Variants in ZFYVE9 observed in about 807,000 individuals in gnomAD.
ZFYVE9 encodes the protein zinc finger FYVE-type containing 9, also known as zinc finger FYVE domain-containing protein 9.
ZFYVE9 carries 43 observed loss-of-function variants against 126.7 expected under a neutral mutation model. That is an observed-to-expected ratio of 0.34 (90% CI 0.27 to 0.44). The LOEUF is 0.44. Ranked by LOEUF, ZFYVE9 falls within the 20% of genes least tolerant of loss-of-function variation. ZFYVE9 has a pLI of 1.00. For synonymous variants in ZFYVE9, 521 were observed against 597.4 expected (o/e 0.87, Z 1.87); for missense variants, 1,476 against 1,697.0 (o/e 0.87, Z 2.29).
At chr1:52,259,488 T>C (rs1289282078) in intron 4 of ZFYVE9, among the ~76,000 whole-genome samples, 1 of 151,500 alleles carries the variant, frequency 6.6e-6, no homozygotes, top group Non-Finnish European at 1.5e-5. Flanking sequence ...TTATATAAAG[T>C]AAAAGGAGAG....
intron 13 of ZFYVE9, among the ~76,000 whole-genome samples, chr1:52,317,662 C>A (rs1267090714): frequency 6.6e-6 from 1 of 151,978 alleles, no homozygotes; most frequent in Non-Finnish European, 1.5e-5. Context: ...AAAGCCAGTT[C>A]TTTGAGAAGA....
At chr1:52,160,624 C>T in intron 1 of ZFYVE9, 1 of 684,988 alleles carries the variant, frequency 1.5e-6, no homozygotes, top group Non-Finnish European at 2.7e-6. Context: ...CCGTGTTAGC[C>T]AGGATGGTGT....
intron 7 of ZFYVE9, among the ~76,000 whole-genome samples, 165 bp from the exon 8 acceptor site, chr1:52,274,299 G>GT (rs1334447604): frequency 3.3e-5 from 5 of 151,892 alleles, no homozygotes; most frequent in Non-Finnish European, 7.4e-5. Flanking sequence ...AGCCTGATTT[G>GT]TTTTTTTGTT....
At position 52,317,474 on chromosome 1, in the gene ZFYVE9, T is replaced by C. The variant is rs1273022753; in HGVS notation, c.3438+13549T>C. Among the ~76,000 whole-genome samples the C allele has an allele frequency of 3.1e-5, 3 of 96,546 alleles. No individual in the cohort carries two copies. The South Asian group carries it at 1.3e-3, about 41-fold the overall frequency. 63.3% of individuals were successfully genotyped at this position (96,546 alleles called of 152,430 possible). The stretch of plus-strand genomic sequence containing the variant: ...TCCAGCCTGGGTGACAGAGCAAGAC[T>C]CTGTCTCAGAAAAAAAAAAAAAAGA... On this transcript the variant is annotated intron_variant, in intron 13 of 18. Transcript: ENST00000287727.
chr1:52,320,270 A>T (rs1241221924), intron 13 of ZFYVE9, among the ~76,000 whole-genome samples: 2 of 151,840 alleles, frequency 1.3e-5, no homozygotes, highest in African/African-American at 4.8e-5. Flanking sequence ...GGGTTTCTCC[A>T]TGTTGGCCAG....
intron 13 of ZFYVE9, among the ~76,000 whole-genome samples, chr1:52,325,250 C>T (rs918338578): frequency 6.6e-6 from 1 of 151,986 alleles, no homozygotes; most frequent in Non-Finnish European, 1.5e-5. Flanking sequence ...ATGGTGTGAA[C>T]GTGGGAGGCA....
chr1:52,294,924 T>A (rs1312349882), intron 11 of ZFYVE9, among the ~76,000 whole-genome samples: 1 of 152,258 alleles, frequency 6.6e-6, no homozygotes, highest in Non-Finnish European at 1.5e-5. Context: ...AACTCTTGGC[T>A]GAGTGCGGTG....
At chr1:52,176,266 G>A (rs1275681670) in intron 1 of ZFYVE9, among the ~76,000 whole-genome samples, 1 of 152,206 alleles carries the variant, frequency 6.6e-6, no homozygotes, top group East Asian at 1.9e-4. Context: ...GTCCACTCCA[G>A]ACCCTGTTTG....
At chr1:52,252,231 T>A (rs1468228215) in intron 4 of ZFYVE9, 1 of 154,624 alleles carries the variant, frequency 6.5e-6, no homozygotes, top group East Asian at 1.9e-4. Flanking sequence ...TTCCATTTTG[T>A]CGTTTCGGGT....
intron 2 of ZFYVE9, among the ~76,000 whole-genome samples, chr1:52,222,061 G>T (rs1436537793): frequency 1.3e-5 from 2 of 152,188 alleles, no homozygotes; most frequent in African/African-American, 4.8e-5. Context: ...GGTGTCCTAG[G>T]TATTTCACCT....
At chr1:52,217,209 T>C (rs1384609389) in intron 2 of ZFYVE9, among the ~76,000 whole-genome samples, 1 of 152,232 alleles carries the variant, frequency 6.6e-6, no homozygotes, top group African/African-American at 2.4e-5. Flanking sequence ...CTTTTCCCTA[T>C]TGGCTAGGGT....
At chr1:52,222,919 C>T (rs1051745153) in intron 2 of ZFYVE9, among the ~76,000 whole-genome samples, 15 of 152,074 alleles carry the variant, frequency 9.9e-5, no homozygotes, top group African/African-American at 1.9e-4. Context: ...TAGTAGTGGC[C>T]GACTTATTCT....
intron 1 of ZFYVE9, among the ~76,000 whole-genome samples, chr1:52,174,254 G>A (rs1371445653): frequency 2.6e-5 from 4 of 152,004 alleles, no homozygotes; most frequent in Admixed American, 2.0e-4. Flanking sequence ...CCTTCATTTT[G>A]TTATGTACCC....
Position 52,223,860 on chromosome 1 carries a change from G to A in ZFYVE9, c.-37+7386G>A, listed in dbSNP as rs12027395. Among the ~76,000 whole-genome samples, 1,776 of 152,192 alleles carry A rather than the reference G, an allele frequency of 0.012. 73 individuals carry two copies. In the East Asian group the frequency reaches 0.12, roughly 10 times the overall value. ...ACATTTTGAACAGGAGGGTGTTTGCGCTCCCAGACTATCATGGCAGCCCTG... is the reference window on the plus strand; with the variant it reads ...ACATTTTGAACAGGAGGGTGTTTGCACTCCCAGACTATCATGGCAGCCCTG... On this transcript the variant is annotated intron_variant, in intron 2 of 18. Coordinates refer to ENST00000287727, the MANE Select transcript of ZFYVE9 (RefSeq NM_004799.4).
intron 13 of ZFYVE9, among the ~76,000 whole-genome samples, chr1:52,332,476 C>G (rs1421546418): frequency 1.0e-5 from 1 of 98,494 alleles, no homozygotes; most frequent in Non-Finnish European, 2.0e-5. Context: ...ATTAGCTAAA[C>G]TAATTTTAGC....
Position 52,276,585 on chromosome 1 carries a change from A to T in ZFYVE9, c.2747-1907A>T, listed in dbSNP as rs924238869. ...ACCTGTAAGTACATACCAAGAAAGT[A>T]TCTGGCATAAAGTAGGCATGTAATT... is the stretch of plus-strand genomic sequence containing the variant. On this transcript the variant is annotated intron_variant, in intron 8 of 18. Coordinates refer to ENST00000287727, the MANE Select transcript of ZFYVE9 (RefSeq NM_004799.4). Among the ~76,000 whole-genome samples, 4 of 152,352 alleles carry T rather than the reference A, an allele frequency of 2.6e-5. No homozygotes were observed. The East Asian group carries it at 7.7e-4, about 29-fold the overall frequency.
In ZFYVE9 at chr1:52,310,301, CTAA is replaced by C. The variant is rs1466191631; in HGVS notation, c.3438+6383_3438+6385del. Reference sequence around the variant, plus strand: ...GAGATTATTTTCACCATTGTATTAACTAATAATAAATATTTAGTATGTACCAGG... The same window carrying C: ...GAGATTATTTTCACCATTGTATTAACTAATAAATATTTAGTATGTACCAGG... On this transcript the variant is annotated intron_variant, in intron 13 of 18. Transcript: ENST00000287727. 2.6e-5 allele frequency among the ~76,000 whole-genome samples: 4 copies of C among 152,224 alleles called. No homozygotes were observed. In the East Asian group the frequency reaches 7.7e-4, roughly 29 times the overall value.
In ZFYVE9 at chr1:52,238,867, C is replaced by G. The variant is rs1645304488; in HGVS notation, c.1450C>G (p.Gln484Glu). The change falls in exon 4 of 19, where the codon CAA (glutamine) becomes GAA (glutamate). Residue 484 changes from glutamine (Q) to glutamate (E), a missense_variant. Physicochemically the swap from Gln to Glu is conservative, Grantham distance 29. This residue lies in a region of ZFYVE9 where 807 missense variants were observed against 794.6 expected (regional missense o/e 1.02). Coordinates refer to ENST00000287727, the MANE Select transcript of ZFYVE9 (RefSeq NM_004799.4). The part of the protein sequence containing the change: ...LSNGCDSYGM[Q>E]DPGVSFVPKT... ...TAATGGTTGTGATTCCTATGGAATG[C>G]AAGACCCAGGTGTTTCTTTTGTTCC... 1 of 1,613,920 alleles carries G rather than the reference C, an allele frequency of 6.2e-7. No individual in the cohort carries two copies. The highest frequency in any genetic ancestry group is 8.5e-7 in the Non-Finnish European group (1 of 1,179,978).
At position 52,292,925 on chromosome 1, in the gene ZFYVE9, T is replaced by C. The variant is rs1645936708; in HGVS notation, c.3026-528T>C. On this transcript the variant is annotated intron_variant, in intron 10 of 18. Coordinates refer to ENST00000287727, the MANE Select transcript of ZFYVE9 (RefSeq NM_004799.4). ...TGTGATAATATAACTTAGTTTATGC[T>C]CATTAGAAGCCCTGATAAAATTGGA... is the stretch of plus-strand genomic sequence containing the variant. Among the ~76,000 whole-genome samples, 4 of 152,294 alleles carry C rather than the reference T, an allele frequency of 2.6e-5. No homozygotes were observed. The South Asian group carries it at 8.3e-4, about 32-fold the overall frequency.
Sources: gnomAD v4.1 joint callset for allele counts (sites outside exome capture counted in the v4.1 genomes callset) on GRCh38, gnomAD v4.1.1 for gene constraint, gnomAD v4.1.1 regional missense constraint, MANE v1.5 for transcripts, NCBI Gene and HGNC (gene_info 2026-07-23, HGNC 2026-07-21) for gene names.